The following IL31RA variants were observed in gnomAD, a reference collection of about 807,000 sequenced individuals.
IL31RA encodes the protein interleukin-31 receptor subunit alpha.
In IL31RA, 66 loss-of-function variants were observed where a neutral mutation model predicts 83.7. The ratio of observed to expected loss-of-function variants is 0.79; its 90% CI spans 0.65 to 0.97. The LOEUF is 0.97. Among genes scored for constraint, IL31RA ranks in the 50% least tolerant of loss-of-function variants. The pLI is 0.00. For synonymous variants in IL31RA, 325 were observed against 329.0 expected, an observed-to-expected ratio of 0.99 and a Z score of 0.13; for missense variants, 798 against 919.4, an observed-to-expected ratio of 0.87 and a Z score of 1.71.
chr5:55,909,509 C>A (rs925793983), intron 11 of IL31RA, among the ~76,000 whole-genome samples: 1 of 152,140 alleles, frequency 6.6e-6, no homozygotes, highest in African/African-American at 2.4e-5. Context: ...AGTGACTACT[C>A]CACACTATAC....
chr5:55,911,086 G>T (rs111976852), intron 12 of IL31RA, among the ~76,000 whole-genome samples: 3 of 152,168 alleles, frequency 2.0e-5, no homozygotes, highest in African/African-American at 7.2e-5. Flanking sequence ...ACATACCCGG[G>T]ACTGGGTAAT....
chr5:55,846,733 A>C (rs935457082), upstream of IL31RA, among the ~76,000 whole-genome samples: 1 of 152,020 alleles, frequency 6.6e-6, no homozygotes. Context: ...GGCAAAGTTC[A>C]GTGAGCCAAG....
At position 55,851,511 on chromosome 5, in the gene IL31RA, G is replaced by A. The variant is rs1745067929; in HGVS notation, c.-60G>A. On this transcript the variant is annotated 5_prime_UTR_variant, in exon 1 of 15. The change creates a new upstream start codon in the 5' untranslated region. Transcript: ENST00000652347. The stretch of plus-strand genomic sequence containing the variant: ...AAATAGACCATGAAAAGACATGTGT[G>A]TGCAGTATGAAAATTGAGACAGGAA... 6.2e-7 allele frequency: 1 copy of A among 1,613,818 alleles called. No homozygotes were observed.
chr5:55,868,925 G>A lies in IL31RA; in HGVS notation c.272+17G>A, dbSNP rs1461867419. ...GAGAACTTAGTAAGTACAGGAGCTT[G>A]TGTTTTATCAGTCAGGGCATGGGGG... On this transcript the variant is annotated intron_variant, in intron 3 of 14. Coordinates refer to ENST00000652347, the MANE Select transcript of IL31RA (RefSeq NM_139017.7). 3 of 1,299,324 alleles carry A rather than the reference G, an allele frequency of 2.3e-6. No homozygotes were observed. The allele number at this position is 1,299,324 out of a possible 1,614,324, so 80.5% of individuals were successfully genotyped here. A position where few individuals can be genotyped will look rare whatever the true frequency, so the allele number is the denominator to read the frequency against.
chr5:55,859,910 G>A (rs547151551), intron 2 of IL31RA, among the ~76,000 whole-genome samples: 4 of 152,188 alleles, frequency 2.6e-5, no homozygotes, highest in Admixed American at 2.6e-4. Context: ...TATGTTCCAA[G>A]ATCCTCAGTG....
At chr5:55,878,405 C>T (rs1465248196) in intron 4 of IL31RA, among the ~76,000 whole-genome samples, 1 of 152,126 alleles carries the variant, frequency 6.6e-6, no homozygotes, top group African/African-American at 2.4e-5. Flanking sequence ...TTTCCTGTTT[C>T]TTTGTATGCC....
At chr5:55,885,264 T>C (rs1236309554) in intron 5 of IL31RA, among the ~76,000 whole-genome samples, 1 of 152,200 alleles carries the variant, frequency 6.6e-6, no homozygotes, top group Non-Finnish European at 1.5e-5. Flanking sequence ...CAGAAAAGCA[T>C]TATTTGTCCT....
At chr5:55,882,105 AATT>A (rs34999832) in intron 4 of IL31RA, among the ~76,000 whole-genome samples, 68,237 of 151,652 alleles carry the variant, frequency 0.45, 15,689 homozygotes, top group South Asian at 0.54. Context: ...GGCTACAGCC[AATT>A]ATTAGGTTTG....
rs568456886 is a variant in IL31RA at position 55,921,948 on chromosome 5, A to T, written c.*4828A>T. Among the ~76,000 whole-genome samples the T allele has an allele frequency of 6.7e-6, 1 of 149,966 alleles. No homozygotes were observed. Among genetic ancestry groups the T allele is most frequent in the East Asian group, 2.0e-4 (1 of 5,052 alleles). ...AGGGCATCTGAAAAAGAAATTTCACACTGGTGTATTTTGTTAATTGTTTCT... is the reference window on the plus strand; with the variant it reads ...AGGGCATCTGAAAAAGAAATTTCACTCTGGTGTATTTTGTTAATTGTTTCT... On this transcript the variant is annotated 3_prime_UTR_variant, in exon 15 of 15. Coordinates refer to ENST00000652347, the MANE Select transcript of IL31RA (RefSeq NM_139017.7).
chr5:55,865,365 C>T (rs538847359), intron 2 of IL31RA, among the ~76,000 whole-genome samples: 2 of 152,244 alleles, frequency 1.3e-5, no homozygotes, highest in African/African-American at 4.8e-5. Context: ...AGGAAGGCAG[C>T]TTCTCTGGAG....
At chr5:55,868,722 C>G (rs1489611759) in intron 2 of IL31RA, 69 bp from the exon 3 acceptor site, 1 of 931,166 alleles carries the variant, frequency 1.1e-6, no homozygotes, top group African/African-American at 1.6e-5. Context: ...TAAAAATGTT[C>G]AATGCTGGCA....
At chr5:55,887,728 A>G (rs889701057) in intron 5 of IL31RA, among the ~76,000 whole-genome samples, 5 of 152,130 alleles carry the variant, frequency 3.3e-5, no homozygotes, top group Non-Finnish European at 5.9e-5. Flanking sequence ...CTCTAAAAAT[A>G]CAAAAAATTA....
chr5:55,851,367 T>C lies in IL31RA; in HGVS notation c.-204T>C. The C allele has an allele frequency of 1.3e-6, 1 of 790,444 alleles. No individual in the cohort carries two copies. The highest frequency in any genetic ancestry group is 2.0e-6 in the Non-Finnish European group (1 of 497,272). The allele number at this position is 790,444 out of a possible 1,614,324, so 49.0% of individuals were successfully genotyped here. The stretch of plus-strand genomic sequence containing the variant: ...TTTTCTCCATGAGGCACAGCCTCCT[T>C]CTGCTTAGGAACACCAGACAGCACT... On this transcript the variant is annotated 5_prime_UTR_variant, in exon 1 of 15. Coordinates refer to ENST00000652347, the MANE Select transcript of IL31RA (RefSeq NM_139017.7).
chr5:55,909,217 A>G (rs1256024645), intron 11 of IL31RA: 1 of 152,758 alleles, frequency 6.5e-6, no homozygotes, highest in Admixed American at 6.5e-5. Context: ...ATGATTTTGT[A>G]CTTATTCATT....
intron 8 of IL31RA, among the ~76,000 whole-genome samples, chr5:55,900,702 T>G (rs1580726542): frequency 6.6e-6 from 1 of 152,376 alleles, no homozygotes; most frequent in East Asian, 1.9e-4. Context: ...TTTATCCTGT[T>G]TTGGAATAAA....
chr5:55,870,505 C>G (rs1381731812), intron 3 of IL31RA, among the ~76,000 whole-genome samples: 2 of 152,180 alleles, frequency 1.3e-5, no homozygotes, highest in Non-Finnish European at 2.9e-5. Context: ...ATCTGGGCAC[C>G]TTTATAGGTT....
At chr5:55,891,179 T>C (rs1747963820) in intron 6 of IL31RA, among the ~76,000 whole-genome samples, 1 of 152,192 alleles carries the variant, frequency 6.6e-6, no homozygotes, top group Non-Finnish European at 1.5e-5. Flanking sequence ...GTCACTCCCA[T>C]TTTGGAAATG....
chr5:55,908,393 G>A lies in IL31RA; in HGVS notation c.1483G>A (p.Glu495Lys), dbSNP rs1749286945. 41 of 1,614,076 alleles carry A rather than the reference G, an allele frequency of 2.5e-5. No homozygotes were observed. Among genetic ancestry groups the A allele is most frequent in the Non-Finnish European group, 3.3e-5 (39 of 1,180,052 alleles). The change falls in exon 11 of 15, where the codon GAA becomes AAA. Residue 495 changes from glutamate (E) to lysine (K), a missense_variant. Transcript: ENST00000652347. ...ICNYTIFYQA[E>K]GGKGFSKTVN... Reference sequence around the variant, plus strand: ...CAACTACACCATCTTTTACCAAGCTGAAGGTGGAAAAGGATTCTGTAAGCA... The same window carrying A: ...CAACTACACCATCTTTTACCAAGCTAAAGGTGGAAAAGGATTCTGTAAGCA...
chr5:55,845,287 G>A, the IL31RA span, among the ~76,000 whole-genome samples: 1 of 152,168 alleles, frequency 6.6e-6, no homozygotes, highest in African/African-American at 2.4e-5. Context: ...CTATGATTAG[G>A]TCTCAGTCTT....
Sources: allele counts gnomAD v4.1 joint callset (sites outside exome capture counted in the v4.1 genomes callset), GRCh38; gene constraint gnomAD v4.1.1; transcripts MANE v1.5; gene names NCBI Gene and HGNC (gene_info 2026-07-23, HGNC 2026-07-21).